The following WTAP variants were observed in gnomAD, a reference collection of about 807,000 sequenced individuals.
The protein encoded by WTAP is pre-mRNA-splicing regulator WTAP.
A neutral mutation model predicts 50.0 loss-of-function variants in WTAP; 8 were observed. The observed-to-expected ratio is 0.16, with a 90% CI of 0.09 to 0.29. WTAP has a LOEUF of 0.29. WTAP is among the 10% of genes least tolerant of loss of function. WTAP has a pLI of 1.00. For synonymous variants in WTAP, 194 were observed against 169.0 expected (o/e 1.15, Z -1.15); for missense variants, 295 against 470.7 (o/e 0.63, Z 3.45).
At chr6:159,737,071 A>G (rs1405201703) in intron 2 of WTAP, among the ~76,000 whole-genome samples, 1 of 152,188 alleles carries the variant, frequency 6.6e-6, no homozygotes, top group Non-Finnish European at 1.5e-5. Context: ...CCCTTGGAAC[A>G]GGGTCTTGCT....
upstream of WTAP, chr6:159,727,339 T>TG: frequency 8.2e-7 from 1 of 1,213,508 alleles, no homozygotes; most frequent in Non-Finnish European, 1.1e-6. Flanking sequence ...CTCCTGTGAG[T>TG]GGGCCAGAAG....
At chr6:159,734,902 CTT>C (rs1778809906) in intron 1 of WTAP, among the ~76,000 whole-genome samples, 1 of 151,456 alleles carries the variant, frequency 6.6e-6, no homozygotes. Flanking sequence ...CACATTTTTT[CTT>C]TGTCTTTTTT....
intron 7 of WTAP, among the ~76,000 whole-genome samples, chr6:159,754,016 G>A (rs1216780217): frequency 1.3e-5 from 2 of 152,150 alleles, no homozygotes; most frequent in East Asian, 1.9e-4. Context: ...AAAGTTGATT[G>A]TATCTGTGAA....
intron 5 of WTAP, among the ~76,000 whole-genome samples, chr6:159,744,125 C>T (rs1015883063): frequency 2.6e-5 from 4 of 152,178 alleles, no homozygotes; most frequent in Admixed American, 6.5e-5. Context: ...TTTACTTTCA[C>T]TGATTAGGAA....
upstream of WTAP, chr6:159,726,925 C>CT: frequency 7.8e-7 from 1 of 1,288,800 alleles, no homozygotes. Context: ...GCACCTGGTC[C>CT]TCCGACACGC....
rs566891748 is a variant in WTAP, at chr6:159,734,992, C to A, written c.-8-1266C>A. ...TAAAAAACAGCATAATAAAGTGTTC[C>A]CTACTTGAATTCATTAACCTATCTT... On this transcript the variant is annotated intron_variant, in intron 1 of 7. Transcript: ENST00000621533. 5.9e-5 allele frequency among the ~76,000 whole-genome samples: 9 copies of A among 152,132 alleles called. No homozygotes were observed. In the South Asian group the frequency reaches 1.9e-3, roughly 32 times the overall value.
intron 1 of WTAP, among the ~76,000 whole-genome samples, chr6:159,731,692 A>AC (rs1306085597): frequency 6.6e-6 from 1 of 152,148 alleles, no homozygotes; most frequent in Non-Finnish European, 1.5e-5. Context: ...TGTGCCAGTT[A>AC]CCATGCTAAA....
chr6:159,746,626 C>T (rs934780016), intron 5 of WTAP, among the ~76,000 whole-genome samples: 5 of 152,124 alleles, frequency 3.3e-5, no homozygotes, highest in African/African-American at 1.2e-4. Context: ...AAATTAGCCA[C>T]GTAGTTACTA....
chr6:159,728,584 G>T (rs150815031), intron 1 of WTAP, among the ~76,000 whole-genome samples: 1 of 152,046 alleles, frequency 6.6e-6, no homozygotes, highest in Non-Finnish European at 1.5e-5. Context: ...CTCGTTTTTT[G>T]GATTTTAAAA....
At chr6:159,727,432 G>T (rs954717951), upstream of WTAP, 4 of 1,088,062 alleles carry the variant, frequency 3.7e-6, no homozygotes, top group South Asian at 1.9e-5. Flanking sequence ...GGCGCGTTCG[G>T]ACCGGCTGTG....
intron 6 of WTAP, 191 bp from the exon 7 acceptor site, chr6:159,753,269 T>A (rs1033524132): frequency 2.6e-6 from 2 of 765,392 alleles, no homozygotes; most frequent in Admixed American, 6.1e-5. Flanking sequence ...GGGTTTATTT[T>A]TACTGCTGTG....
At chr6:159,742,277 C>T (rs979845294) in intron 4 of WTAP, 131 bp downstream of exon 4, 1 of 685,480 alleles carries the variant, frequency 1.5e-6, no homozygotes, top group East Asian at 3.0e-5. Context: ...TACATAGGCA[C>T]TGTGTTGGGT....
rs193111080 is a variant in WTAP, at chr6:159,732,937, C to T, written c.-8-3321C>T. Reference sequence around the variant, plus strand: ...TGTGTGTAAAATTGATATTTAGCTCCAGACAAATGGGAAATTACAAGGAAA... The same window carrying T: ...TGTGTGTAAAATTGATATTTAGCTCTAGACAAATGGGAAATTACAAGGAAA... On this transcript the variant is annotated intron_variant, in intron 1 of 7. Transcript: ENST00000621533. Among the ~76,000 whole-genome samples, 295 of 144,662 alleles carry T rather than the reference C, an allele frequency of 2.0e-3. 4 individuals are homozygous for T. The highest frequency in any genetic ancestry group is 6.3e-3 in the South Asian group (29 of 4,622). 94.9% of individuals were successfully genotyped at this position (144,662 alleles called of 152,430 possible).
intron 1 of WTAP, among the ~76,000 whole-genome samples, chr6:159,730,416 T>A (rs994775132): frequency 9.2e-5 from 14 of 152,174 alleles, no homozygotes; most frequent in Non-Finnish European, 1.8e-4. Flanking sequence ...TGACTTTAAA[T>A]TTAGGTTATT....
Position 159,742,161 on chromosome 6 carries a change from T to C in WTAP, c.145+15T>C. ...AGATCTTAACTGTAAGTTTGAGTTT[T>C]AGCTTCCTAAAGACTGAATAATCTC... On this transcript the variant is annotated intron_variant, in intron 4 of 7. Transcript: ENST00000621533. 6.3e-7 allele frequency: 1 copy of C among 1,592,718 alleles called. No individual in the cohort carries two copies. Among genetic ancestry groups the C allele is most frequent in the Non-Finnish European group, 8.6e-7 (1 of 1,168,724 alleles).
rs536683630 is a variant in WTAP at position 159,755,449 on chromosome 6, G to C, written c.1029G>C (p.Thr343=). 4 of 1,613,930 alleles carry C rather than the reference G, an allele frequency of 2.5e-6. No individual in the cohort carries two copies. In the South Asian group the frequency reaches 4.4e-5, roughly 18 times the overall value. ...SAGYESVDSP[T]GSENSLTHQS... ...GGTATGAAAGTGTAGACTCTCCCACGGGCAGTGAAAACTCTCTCACACACC... is the reference window on the plus strand; with the variant it reads ...GGTATGAAAGTGTAGACTCTCCCACCGGCAGTGAAAACTCTCTCACACACC... The change falls in exon 8 of 8, where the codon ACG becomes ACC. Residue 343 remains threonine, a synonymous_variant. Transcript: ENST00000621533.
At position 159,727,691 on chromosome 6, in the gene WTAP, T is replaced by C. The variant is rs1253333825; in HGVS notation, c.-21T>C. The stretch of plus-strand genomic sequence containing the variant: ...TGCGACCGGTGGCGCCGGCGCGGCT[T>C]CTGCCTGGAGAGGTAGGCGCGGGCC... On this transcript the variant is annotated 5_prime_UTR_variant, in exon 1 of 8. Coordinates refer to ENST00000621533, the MANE Select transcript of WTAP (RefSeq NM_001270531.2). 3 of 982,566 alleles carry C rather than the reference T, an allele frequency of 3.1e-6. No individual in the cohort carries two copies. The highest frequency in any genetic ancestry group is 3.6e-6 in the Non-Finnish European group (3 of 829,540). 60.9% of individuals were successfully genotyped at this position (982,566 alleles called of 1,614,324 possible). A position where few individuals can be genotyped will look rare whatever the true frequency, so the allele number is the denominator to read the frequency against.
intron 6 of WTAP, 41 bp from the exon 7 acceptor site, chr6:159,753,419 T>C: frequency 6.2e-7 from 1 of 1,613,718 alleles, no homozygotes; most frequent in South Asian, 1.1e-5. Flanking sequence ...AGACAGAGAG[T>C]TTTGTCTTCA....
intron 1 of WTAP, among the ~76,000 whole-genome samples, chr6:159,729,187 G>C (rs1770336073): frequency 6.6e-6 from 1 of 152,150 alleles, no homozygotes; most frequent in African/African-American, 2.4e-5. Context: ...GAATCCCCTT[G>C]AATATATTGT....
Sources: gnomAD v4.1 joint callset for allele counts (sites outside exome capture counted in the v4.1 genomes callset) on GRCh38, gnomAD v4.1.1 for gene constraint, MANE v1.5 for transcripts, NCBI Gene and HGNC (gene_info 2026-07-23, HGNC 2026-07-21) for gene names.